Variants in CLEC20A observed in about 807,000 individuals in gnomAD.
CLEC20A encodes the protein C-type lectin domain containing 20A, also known as putative C-type lectin domain family 20 member A.
chr1:178,485,356 C>A (rs1433794935), intron 5 of CLEC20A, among the ~76,000 whole-genome samples: 1 of 152,156 alleles, frequency 6.6e-6, no homozygotes, highest in Non-Finnish European at 1.5e-5. Flanking sequence ...TTCTCCTCAT[C>A]CCCTGCCACT....
At chr1:178,483,890 G>A (rs1454144854) in intron 5 of CLEC20A, 4 of 152,154 alleles carry the variant, frequency 2.6e-5, no homozygotes, top group African/African-American at 9.7e-5. Context: ...CTTTTATTTG[G>A]AATATATTAT....
At chr1:178,479,569 A>G in exon 8 of CLEC20A, 1 of 398,570 alleles carries the variant, frequency 2.5e-6, no homozygotes, top group Non-Finnish European at 4.4e-6. Context: ...GACCCATTTC[A>G]GTCTAAATTG....
chr1:178,486,064 T>C (rs749894670), intron 5 of CLEC20A, among the ~76,000 whole-genome samples: 14 of 152,154 alleles, frequency 9.2e-5, no homozygotes, highest in Non-Finnish European at 1.3e-4. Flanking sequence ...GGCCACACAG[T>C]AGGTACTGGA....
chr1:178,479,849 C>A, intron 7 of CLEC20A: 1 of 282,938 alleles, frequency 3.5e-6, no homozygotes, highest in Non-Finnish European at 6.5e-6. Flanking sequence ...AAACAGATGA[C>A]TAAATCAGTG....
chr1:178,489,736 T>C (rs1649229316), intron 4 of CLEC20A, among the ~76,000 whole-genome samples: 1 of 152,214 alleles, frequency 6.6e-6, no homozygotes, highest in Admixed American at 6.5e-5. Flanking sequence ...GGCTCCGAGA[T>C]GCTGCCCACC....
chr1:178,491,080 G>A (rs989819829), intron 3 of CLEC20A, among the ~76,000 whole-genome samples: 1 of 152,178 alleles, frequency 6.6e-6, no homozygotes, highest in Non-Finnish European at 1.5e-5. Flanking sequence ...CTTGCCTTCT[G>A]GGGAGCCCAG....
upstream of CLEC20A, chr1:178,496,997 G>A (rs192326551): frequency 2.5e-6 from 1 of 399,480 alleles, no homozygotes; most frequent in East Asian, 3.6e-5. Context: ...CAAGACCCCG[G>A]AGCTGGCGGG....
At chr1:178,493,228 A>G (rs1247430466) in intron 2 of CLEC20A, among the ~76,000 whole-genome samples, 3 of 152,104 alleles carry the variant, frequency 2.0e-5, no homozygotes, top group African/African-American at 7.2e-5. Flanking sequence ...CTCCCTTTGC[A>G]GGCCTCCTGG....
chr1:178,496,467 C>T (rs1327727419), intron 1 of CLEC20A: 1 of 162,950 alleles, frequency 6.1e-6, no homozygotes, highest in Non-Finnish European at 1.3e-5. Flanking sequence ...GTGGCTCCTT[C>T]TCCCCCTCAG....
chr1:178,491,199 G>A (rs746728138), intron 3 of CLEC20A, among the ~76,000 whole-genome samples: 1 of 152,278 alleles, frequency 6.6e-6, no homozygotes, highest in East Asian at 1.9e-4. Flanking sequence ...GCCCATCGCC[G>A]GTGCAGCTCA....
In CLEC20A at chr1:178,496,842, G is replaced by T. The variant is rs963743648; in HGVS notation, c.40+58C>A. On this transcript the variant is annotated intron_variant, in intron 1 of 7. Transcript: ENST00000623247. ...TTCAGGGGTGCGCCCCCTTCCCTCA[G>T]CCTCTAGCCCGGGGGAGCATGGAGC... 4.5e-5 allele frequency: 18 copies of T among 398,584 alleles called. No homozygotes were observed. The Admixed American group carries it at 7.5e-4, about 17-fold the overall frequency. The allele number at this position is 398,584 out of a possible 1,614,324, so 24.7% of individuals were successfully genotyped here.
At chr1:178,488,207 G>A (rs1413673167) in intron 5 of CLEC20A, among the ~76,000 whole-genome samples, 2 of 152,168 alleles carry the variant, frequency 1.3e-5, no homozygotes, top group Admixed American at 6.5e-5. Flanking sequence ...GAGACCGTAC[G>A]GCCTCTCCTG....
intron 2 of CLEC20A, among the ~76,000 whole-genome samples, chr1:178,494,212 T>C (rs1649334551): frequency 6.6e-6 from 1 of 152,102 alleles, no homozygotes; most frequent in Non-Finnish European, 1.5e-5. Flanking sequence ...CTGGGCAACA[T>C]AGCGAGACCC....
chr1:178,479,431 T>A (rs1393621888), exon 8 of CLEC20A: 1 of 393,234 alleles, frequency 2.5e-6, no homozygotes. Context: ...TTGGCACATG[T>A]CGAGTTCTTC....
At chr1:178,496,641 C>T (rs1270578947) in intron 1 of CLEC20A, 2 of 391,564 alleles carry the variant, frequency 5.1e-6, no homozygotes, top group East Asian at 3.6e-5. Context: ...CTTAGCCCCG[C>T]TAGAAAGAAA....
upstream of CLEC20A, chr1:178,499,439 T>C (rs995792812): frequency 1.3e-5 from 2 of 152,130 alleles, no homozygotes; most frequent in African/African-American, 2.4e-5. Context: ...ACACCCTCAA[T>C]CTGGGTAGGC....
chr1:178,488,668 C>G (rs1649207267), intron 4 of CLEC20A, 69 bp from the exon 5 acceptor site: 1 of 398,398 alleles, frequency 2.5e-6, no homozygotes, highest in African/African-American at 2.1e-5. Flanking sequence ...CCACCCCAGG[C>G]TCTGATGGCC....
At chr1:178,484,272 A>T (rs1649076034) in intron 5 of CLEC20A, 1 of 152,246 alleles carries the variant, frequency 6.6e-6, no homozygotes, top group Non-Finnish European at 1.5e-5. Context: ...ACAAATTCTG[A>T]TACCAGAGTG....
intron 7 of CLEC20A, chr1:178,481,062 A>C (rs1278918694): frequency 6.6e-6 from 1 of 152,132 alleles, no homozygotes; most frequent in Non-Finnish European, 1.5e-5. Context: ...TCAATAGCAA[A>C]ATGTACTGAA....
Sources: gnomAD v4.1 joint callset for allele counts (sites outside exome capture counted in the v4.1 genomes callset) on GRCh38, gnomAD v4.1.1 for gene constraint, MANE v1.5 for transcripts, NCBI Gene and HGNC (gene_info 2026-07-23, HGNC 2026-07-21) for gene names.